Variants in ABCG1 observed in about 807,000 individuals in gnomAD.
ABCG1 encodes the protein ATP-binding cassette sub-family G member 1.
A neutral mutation model predicts 69.2 loss-of-function variants in ABCG1; 29 were observed. The observed-to-expected ratio is 0.42, with a 90% CI of 0.31 to 0.57. The LOEUF is 0.57. Ranked by LOEUF, ABCG1 falls within the 20% of genes least tolerant of loss-of-function variation. The pLI is 0.15. For synonymous variants in ABCG1, 370 were observed against 374.8 expected, an observed-to-expected ratio of 0.99 and a Z score of 0.15; for missense variants, 718 against 898.1, an observed-to-expected ratio of 0.80 and a Z score of 2.56.
chr21:42,278,535 G>A (rs968983688), intron 5 of ABCG1, among the ~76,000 whole-genome samples: 2 of 152,192 alleles, frequency 1.3e-5, no homozygotes, highest in South Asian at 2.1e-4. Context: ...GGAGGACCCA[G>A]ACACACCAAG....
rs150544617 is a variant in ABCG1, at chr21:42,201,880, G to C, written c.48+157G>C. On this transcript the variant is annotated intron_variant, in intron 2 of 15. Coordinates refer to the ABCG1 transcript ENST00000398457. ...GTGTAGTTTGGTGAGGGGCCAGCCCGAGGCAAACTGGGGACCTGTGTCTCC... is the reference window on the plus strand; with the variant it reads ...GTGTAGTTTGGTGAGGGGCCAGCCCCAGGCAAACTGGGGACCTGTGTCTCC... Among the ~76,000 whole-genome samples, 916 of 152,296 alleles carry C rather than the reference G, an allele frequency of 6.0e-3. 12 individuals carry two copies. Among genetic ancestry groups the C allele is most frequent in the African/African-American group, 0.021 (868 of 41,552 alleles).
chr21:42,259,911 A>C, intron 2 of ABCG1: 1 of 1,456,254 alleles, frequency 6.9e-7, no homozygotes, highest in Non-Finnish European at 9.1e-7. Flanking sequence ...CCCAGGCTTG[A>C]GCGGCCCTGA....
chr21:42,248,028 C>A (rs188814293), intron 2 of ABCG1, among the ~76,000 whole-genome samples: 3 of 152,126 alleles, frequency 2.0e-5, no homozygotes, highest in Non-Finnish European at 1.5e-5. Flanking sequence ...CTTGGGGCAG[C>A]CTGAGGTCAC....
chr21:42,248,424 G>C (rs540808609), intron 2 of ABCG1, among the ~76,000 whole-genome samples: 1 of 150,914 alleles, frequency 6.6e-6, no homozygotes, highest in African/African-American at 2.4e-5. Context: ...ACCACCCGTG[G>C]GGGGTGCAGG....
intron 2 of ABCG1, among the ~76,000 whole-genome samples, chr21:42,240,062 A>T (rs1463749870): frequency 6.6e-6 from 1 of 152,196 alleles, no homozygotes; most frequent in African/African-American, 2.4e-5. Context: ...TCTGCAGGGC[A>T]CTGGAGAACG....
chr21:42,218,553 CA>C (rs2067668187), upstream of ABCG1, among the ~76,000 whole-genome samples: 1 of 152,256 alleles, frequency 6.6e-6, no homozygotes, highest in African/African-American at 2.4e-5. Flanking sequence ...CAGCACTTAG[CA>C]CCATGGCTGG....
chr21:42,249,379 G>A lies in ABCG1; in HGVS notation c.287-21691G>A, dbSNP rs903497245. Among the ~76,000 whole-genome samples, 94 of 152,092 alleles carry A rather than the reference G, an allele frequency of 6.2e-4. 2 individuals are homozygous for A. Among genetic ancestry groups the A allele is most frequent in the Admixed American group, 1.7e-3 (26 of 15,240 alleles). ...AAGTGTCATATTGTGTGTGGACTCCGGAGCCAGACCACTCAGTTTAAGTTC... is the reference window on the plus strand; with the variant it reads ...AAGTGTCATATTGTGTGTGGACTCCAGAGCCAGACCACTCAGTTTAAGTTC... On this transcript the variant is annotated intron_variant, in intron 2 of 14. Transcript: ENST00000398449.
chr21:42,269,930 C>A (rs1421952755), intron 2 of ABCG1, among the ~76,000 whole-genome samples: 2 of 152,160 alleles, frequency 1.3e-5, no homozygotes, highest in Non-Finnish European at 2.9e-5. Flanking sequence ...TCACGTGATT[C>A]TTGATCATTT....
In ABCG1 at chr21:42,294,454, C is replaced by T. The variant is rs937962017; in HGVS notation, c.1654-88C>T. ...TGCCCAGAAGGTGCCCTGGCCCTGC[C>T]CGGGGGAAGCTGGCGTGGGCGAGCC... On this transcript the variant is annotated intron_variant, in intron 13 of 14. Coordinates refer to ENST00000398449, the MANE Select transcript of ABCG1 (RefSeq NM_016818.3). 6.2e-5 allele frequency: 65 copies of T among 1,043,326 alleles called. No homozygotes were observed. In the African/African-American group the frequency reaches 1.0e-3, roughly 16 times the overall value. 64.6% of individuals were successfully genotyped at this position (1,043,326 alleles called of 1,614,324 possible).
chr21:42,203,689 T>C (rs2067523195), intron 2 of ABCG1, among the ~76,000 whole-genome samples: 1 of 152,244 alleles, frequency 6.6e-6, no homozygotes, highest in Non-Finnish European at 1.5e-5. Context: ...TAAGCTGATT[T>C]CTCCTCCTTT....
intron 2 of ABCG1, among the ~76,000 whole-genome samples, chr21:42,263,014 G>T (rs962340498): frequency 3.3e-5 from 5 of 152,222 alleles, no homozygotes; most frequent in African/African-American, 1.2e-4. Context: ...AACTCTCCTA[G>T]CCCCGAGCGA....
At chr21:42,271,987 T>A (rs558420480) in intron 3 of ABCG1, among the ~76,000 whole-genome samples, 2 of 152,334 alleles carry the variant, frequency 1.3e-5, no homozygotes, top group Non-Finnish European at 1.5e-5. Flanking sequence ...AAACTTAGAA[T>A]CTTTAGAAGT....
chr21:42,211,273 C>T (rs1216545361), upstream of ABCG1, among the ~76,000 whole-genome samples: 1 of 152,130 alleles, frequency 6.6e-6, no homozygotes, highest in Admixed American at 6.5e-5. Flanking sequence ...ATTCCCATTT[C>T]TTTCAAATGA....
At chr21:42,279,229 G>C (rs1270365499) in intron 5 of ABCG1, among the ~76,000 whole-genome samples, 1 of 152,084 alleles carries the variant, frequency 6.6e-6, no homozygotes, top group African/African-American at 2.4e-5. Context: ...ACTGATGCTC[G>C]GCGTGGAGGA....
chr21:42,291,870 C>T lies in ABCG1; in HGVS notation c.1653+214C>T, dbSNP rs2069068681. ...CGGGCAGCCTCACGTGTGCTGACTG[C>T]GTGCTGGGCGCTCTTCCCAGCGCTT... is the stretch of plus-strand genomic sequence containing the variant. On this transcript the variant is annotated intron_variant, in intron 13 of 14. Coordinates refer to ENST00000398449, the MANE Select transcript of ABCG1 (RefSeq NM_016818.3). The surrounding 1 kb of genome is among the most constrained non-coding windows in gnomAD (Gnocchi z 6.4). Among the ~76,000 whole-genome samples the T allele has an allele frequency of 3.3e-5, 5 of 152,300 alleles. No homozygotes were observed. The highest frequency in any genetic ancestry group is 2.0e-4 in the Admixed American group (3 of 15,304).
At position 42,296,066 on chromosome 21, in the gene ABCG1, A is replaced by C. The variant is rs372521161; in HGVS notation, c.1773-98A>C. ...GCCCTTTGGGAAGGGAGGATAGCCA[A>C]GCTGGGAATCGCAGGGAGGGTGAAC... is the stretch of plus-strand genomic sequence containing the variant. On this transcript the variant is annotated intron_variant, in intron 14 of 14. Transcript: ENST00000398449. This position sits in a 1 kb window ranked among gnomAD's most constrained non-coding sequence, Gnocchi z 5.4. 5 of 1,024,726 alleles carry C rather than the reference A, an allele frequency of 4.9e-6. No individual in the cohort carries two copies. The South Asian group carries it at 6.8e-5, about 14-fold the overall frequency. The allele number at this position is 1,024,726 out of a possible 1,614,324, so 63.5% of individuals were successfully genotyped here. A position where few individuals can be genotyped will look rare whatever the true frequency, so the allele number is the denominator to read the frequency against.
chr21:42,208,938 C>T (rs190896244), intron 2 of ABCG1, among the ~76,000 whole-genome samples: 5,008 of 152,264 alleles, frequency 0.033, 138 homozygotes, highest in Middle Eastern at 0.068. Context: ...AAGGTGACTG[C>T]CCCAGGCCCT....
Position 42,273,176 on chromosome 21 carries a change from T to C in ABCG1, c.405-127T>C, listed in dbSNP as rs1186095167. ...CCCTTTCTGCCCCTCGGGGTCCCCG[T>C]GGCCAGTGGTTCAGCTGGGAAGATG... On this transcript the variant is annotated intron_variant, in intron 3 of 14. Coordinates refer to ENST00000398449, the MANE Select transcript of ABCG1 (RefSeq NM_016818.3). The surrounding 1 kb of genome is among the most constrained non-coding windows in gnomAD (Gnocchi z 5.3). The C allele has an allele frequency of 7.5e-7, 1 of 1,336,750 alleles. No homozygotes were observed. Among genetic ancestry groups the C allele is most frequent in the East Asian group, 2.3e-5 (1 of 42,740 alleles). The allele number at this position is 1,336,750 out of a possible 1,614,324, so 82.8% of individuals were successfully genotyped here. A position where few individuals can be genotyped will look rare whatever the true frequency, so the allele number is the denominator to read the frequency against.
intron 2 of ABCG1, among the ~76,000 whole-genome samples, chr21:42,241,638 C>CA (rs2068053606): frequency 6.7e-6 from 1 of 150,034 alleles, no homozygotes; most frequent in Non-Finnish European, 1.5e-5. Flanking sequence ...AAACAAAACC[C>CA]AAAATCCCTA....
Sources: gnomAD v4.1 joint callset for allele counts (sites outside exome capture counted in the v4.1 genomes callset) on GRCh38, gnomAD v4.1.1 for gene constraint, Gnocchi (gnomAD v3.1) non-coding constraint, MANE v1.5 for transcripts, NCBI Gene and HGNC (gene_info 2026-07-23, HGNC 2026-07-21) for gene names.